SGSM2: variants seen among roughly 807,000 people sequenced by gnomAD.
SGSM2 encodes RUN and TBC1 domain containing 1.
In SGSM2, 89 loss-of-function variants were observed where a neutral mutation model predicts 126.6. The observed-to-expected ratio is 0.70, with a 90% CI of 0.59 to 0.84. The LOEUF (loss-of-function observed/expected upper bound fraction) is 0.84. SGSM2 is among the 40% of genes least tolerant of loss of function. SGSM2 has a pLI of 0.00. For synonymous variants in SGSM2, 614 were observed against 574.3 expected (o/e 1.07, Z -0.99); for missense variants, 1,404 against 1,416.6 (o/e 0.99, Z 0.14).
chr17:2,338,082 CG>C (rs1180392552), intron 1 of SGSM2, among the ~76,000 whole-genome samples: 1 of 152,002 alleles, frequency 6.6e-6, no homozygotes, highest in African/African-American at 2.4e-5. Context: ...TCAGTGCCCG[CG>C]CCGCCAGGGG....
chr17:2,348,758 ATTTTG>A (rs1220351063), intron 2 of SGSM2, among the ~76,000 whole-genome samples: 3 of 151,730 alleles, frequency 2.0e-5, no homozygotes, highest in East Asian at 3.9e-4. Context: ...TTTGGTTTTT[ATTTTG>A]TTTTGTTTCG....
chr17:2,376,305 C>T (rs748934543), intron 19 of SGSM2, 44 bp downstream of exon 19: 2 of 1,610,780 alleles, frequency 1.2e-6, no homozygotes, highest in East Asian at 2.2e-5. Flanking sequence ...GGGACCCTGC[C>T]GCCAGTTACT....
intron 2 of SGSM2, among the ~76,000 whole-genome samples, chr17:2,357,555 T>C (rs1269656013): frequency 6.6e-6 from 1 of 152,210 alleles, no homozygotes; most frequent in Non-Finnish European, 1.5e-5. Flanking sequence ...TGGAGTGCAA[T>C]GGCGCGATCT....
At chr17:2,338,335 G>A (rs2064181450) in intron 1 of SGSM2, among the ~76,000 whole-genome samples, 1 of 151,580 alleles carries the variant, frequency 6.6e-6, no homozygotes, top group Non-Finnish European at 1.5e-5. Flanking sequence ...ACACTCGGAA[G>A]TTTTTCCCTT....
chr17:2,353,608 T>C (rs2064965679), intron 2 of SGSM2, among the ~76,000 whole-genome samples: 1 of 151,932 alleles, frequency 6.6e-6, no homozygotes, highest in South Asian at 2.1e-4. Context: ...ACTAAAAATT[T>C]TTAAAAATTA....
At chr17:2,377,125 G>A (rs1052788651) in intron 21 of SGSM2, 57 bp downstream of exon 21, 54 of 1,059,864 alleles carry the variant, frequency 5.1e-5, no homozygotes, top group Admixed American at 3.1e-4. Context: ...CTGGTCCATC[G>A]TCCACATGGC....
intron 7 of SGSM2, 22 bp from the exon 8 acceptor site, chr17:2,364,037 C>A (rs372338505): frequency 6.2e-7 from 1 of 1,613,828 alleles, no homozygotes; most frequent in African/African-American, 1.3e-5. Flanking sequence ...CATCGTCGGT[C>A]TTCCGGTGTC....
At chr17:2,341,958 T>A (rs1462140704) in intron 1 of SGSM2, among the ~76,000 whole-genome samples, 1 of 152,124 alleles carries the variant, frequency 6.6e-6, no homozygotes, top group Non-Finnish European at 1.5e-5. Flanking sequence ...TGTTTGTACG[T>A]TCACACCACG....
intron 2 of SGSM2, among the ~76,000 whole-genome samples, chr17:2,347,272 AT>A: frequency 6.6e-6 from 1 of 151,992 alleles, no homozygotes; most frequent in Middle Eastern, 3.4e-3. Flanking sequence ...CACCTAGCTA[AT>A]TTTTGTATTT....
chr17:2,350,683 G>A (rs180828141), intron 2 of SGSM2, among the ~76,000 whole-genome samples: 3 of 152,224 alleles, frequency 2.0e-5, no homozygotes, highest in Admixed American at 6.5e-5. Context: ...CCAGCGTGCC[G>A]GTGGAAGGTG....
chr17:2,350,830 A>T (rs1297604531), intron 2 of SGSM2, among the ~76,000 whole-genome samples: 1 of 152,182 alleles, frequency 6.6e-6, no homozygotes, highest in African/African-American at 2.4e-5. Context: ...GAAGCCTTTC[A>T]CACCTTGGGA....
chr17:2,372,201 G>C lies in SGSM2; in HGVS notation c.1589G>C (p.Arg530Thr). 1 of 1,613,348 alleles carries C rather than the reference G, an allele frequency of 6.2e-7. No homozygotes were observed. Among genetic ancestry groups the C allele is most frequent in the South Asian group, 1.1e-5 (1 of 91,076 alleles). ...GGTTGTTGCCACAGGTTGCCGCTCA[G>C]GCTACTGTGTGAGAGTATGAAGAGG... ...CSCIPDRLPL[R>T]LLCESMKRQI... The change falls in exon 14 of 24, where the codon AGG becomes ACG. Residue 530 changes from arginine (R) to threonine (T), a missense_variant. Coordinates refer to ENST00000268989, the MANE Select transcript of SGSM2 (RefSeq NM_014853.3). The surrounding 1 kb of genome is among the most constrained non-coding windows in gnomAD (Gnocchi z 6.0).
intron 16 of SGSM2, 67 bp from the exon 17 acceptor site, chr17:2,373,264 G>T: frequency 6.4e-7 from 1 of 1,570,402 alleles, no homozygotes; most frequent in Non-Finnish European, 8.7e-7. Context: ...TCCAGTGCAG[G>T]CCCAGCTCCT....
intron 22 of SGSM2, among the ~76,000 whole-genome samples, chr17:2,378,779 C>T (rs147775292): frequency 0.012 from 1,852 of 152,284 alleles, 43 homozygotes; most frequent in African/African-American, 0.043. Flanking sequence ...GGCCTTGGTA[C>T]GGGGTACAGA....
At chr17:2,347,293 AC>A (rs1370005158) in intron 2 of SGSM2, among the ~76,000 whole-genome samples, 11 of 152,014 alleles carry the variant, frequency 7.2e-5, no homozygotes, top group African/African-American at 2.4e-4. Flanking sequence ...TTTAGTAGAG[AC>A]AGGGGTTTCA....
chr17:2,343,537 G>T lies in SGSM2; in HGVS notation c.58-8G>T, dbSNP rs751084052. ...ATAAAAGCAGTGATGCTGTCCATGT[G>T]TCCGCAGGTGAAGCAAATCATGGAG... On this transcript the variant is annotated splice_region_variant and splice_polypyrimidine_tract_variant and intron_variant, in intron 1 of 23. Transcript: ENST00000268989. 1 of 1,613,956 alleles carries T rather than the reference G, an allele frequency of 6.2e-7. No individual in the cohort carries two copies. The highest frequency in any genetic ancestry group is 1.1e-5 in the South Asian group (1 of 91,074).
chr17:2,337,641 AGGGCGCGG>A lies in SGSM2; in HGVS notation c.-43_-36del. The A allele has an allele frequency of 7.5e-7, 1 of 1,337,916 alleles. No individual in the cohort carries two copies. Among genetic ancestry groups the A allele is most frequent in the Non-Finnish European group, 9.8e-7 (1 of 1,021,076 alleles). 82.9% of individuals were successfully genotyped at this position (1,337,916 alleles called of 1,614,324 possible). A position where few individuals can be genotyped will look rare whatever the true frequency, so the allele number is the denominator to read the frequency against. On this transcript the variant is annotated 5_prime_UTR_variant, in exon 1 of 24. Coordinates refer to ENST00000268989, the MANE Select transcript of SGSM2 (RefSeq NM_014853.3). The surrounding 1 kb of genome is among the most constrained non-coding windows in gnomAD (Gnocchi z 5.1). The stretch of plus-strand genomic sequence containing the variant: ...TGAGCCGAGAGGCGCGGAGGCGGCG[AGGGCGCGG>A]GGGCTCTGAGGACCGCTCGGCGCCG...
intron 2 of SGSM2, among the ~76,000 whole-genome samples, chr17:2,353,919 T>C (rs2064980909): frequency 6.6e-6 from 1 of 152,192 alleles, no homozygotes; most frequent in Non-Finnish European, 1.5e-5. Flanking sequence ...TTTGTTTGGT[T>C]GTTTTTTGAG....
intron 2 of SGSM2, 71 bp from the exon 3 acceptor site, chr17:2,361,566 G>A (rs1039510554): frequency 7.1e-6 from 11 of 1,556,890 alleles, no homozygotes; most frequent in Non-Finnish European, 8.7e-6. Context: ...CACAGGTATG[G>A]GGAAGAGGAG....
Sources: allele counts gnomAD v4.1 joint callset (sites outside exome capture counted in the v4.1 genomes callset), GRCh38; gene constraint gnomAD v4.1.1; non-coding constraint Gnocchi (gnomAD v3.1); transcripts MANE v1.5; gene names NCBI Gene and HGNC (gene_info 2026-07-23, HGNC 2026-07-21).